C1RL: variants seen among roughly 807,000 people sequenced by gnomAD.
C1RL encodes complement C1r subcomponent-like protein.
A neutral mutation model predicts 27.9 loss-of-function variants in C1RL; 27 were observed. That is an observed-to-expected ratio of 0.97 (90% CI 0.71 to 1.33). The LOEUF (loss-of-function observed/expected upper bound fraction) is 1.33, where lower values mean the gene tolerates loss of function less well. Among genes scored for constraint, C1RL ranks in the 40% most tolerant of loss-of-function variants. The probability of loss-of-function intolerance (pLI) is 0.00; values close to 1 mark genes in which losing one functional copy is unlikely to be tolerated. For missense variants in C1RL, 563 were observed against 623.9 expected, an observed-to-expected ratio of 0.90 and a Z score of 1.04; for synonymous variants, 248 against 252.1, an observed-to-expected ratio of 0.98 and a Z score of 0.15.
rs1437458563 is a variant in C1RL, at chr12:7,095,893, T to C, written c.*498A>G. On this transcript the variant is annotated 3_prime_UTR_variant, in exon 6 of 6. Transcript: ENST00000266542. Reference sequence around the variant, plus strand: ...GGACATAAAATAAAAAAGGAGCTGTTTCTATAATTGCATCTTGGAGCTGCA... The same window carrying C: ...GGACATAAAATAAAAAAGGAGCTGTCTCTATAATTGCATCTTGGAGCTGCA... 2 of 983,134 alleles carry C rather than the reference T, an allele frequency of 2.0e-6. No homozygotes were observed. The highest frequency in any genetic ancestry group is 1.7e-5 in the African/African-American group (1 of 57,182). 60.9% of individuals were successfully genotyped at this position (983,134 alleles called of 1,614,324 possible).
Position 7,102,034 on chromosome 12 carries a change from A to C in C1RL, c.354T>G (p.Pro118=). ...CCCTCTGACCAGGGGGCCTGCCCAG[A>C]GGGGAGCCTTGCTGACCACAGAACT... ...PSQFCGQQGS[P]LGRPPGQREF... is the part of the protein sequence containing the mutation. The change falls in exon 3 of 6, where the codon CCT becomes CCG. Residue 118 remains proline (P), a synonymous_variant. Coordinates refer to ENST00000266542, the MANE Select transcript of C1RL (RefSeq NM_016546.4). 9 of 1,613,994 alleles carry C rather than the reference A, an allele frequency of 5.6e-6. No homozygotes were observed. The highest frequency in any genetic ancestry group is 7.6e-6 in the Non-Finnish European group (9 of 1,179,840).
chr12:7,104,319 C>T lies in C1RL; in HGVS notation c.301-2232G>A, dbSNP rs1182282442. On this transcript the variant is annotated intron_variant, in intron 2 of 5. Coordinates refer to ENST00000266542, the MANE Select transcript of C1RL (RefSeq NM_016546.4). This position sits in a 1 kb window ranked among gnomAD's most constrained non-coding sequence, Gnocchi z 5.4. ...GGCCCACCCTGGCAGAAGGCATGAG[C>T]TTAACAAGAAACCCTGGACTTGAGG... Among the ~76,000 whole-genome samples, 3 of 152,234 alleles carry T rather than the reference C, an allele frequency of 2.0e-5. No individual in the cohort carries two copies. The highest frequency in any genetic ancestry group is 7.2e-5 in the African/African-American group (3 of 41,466).
Position 7,099,730 on chromosome 12 carries a change from C to G in C1RL, c.647G>C (p.Trp216Ser). ...GALTCATPGT[W>S]KDRQDGEEVL... ...CTCCTCCCCATCCTGTCTGTCTTTC[C>G]AGGTCCCTGGGGTTGCACAGGTGAG... The change falls in exon 5 of 6, where the codon TGG becomes TCG. Residue 216 changes from tryptophan (W) to serine (S), a missense_variant. By Grantham distance (177) the Trp-to-Ser change is radical. Transcript: ENST00000266542. The G allele has an allele frequency of 6.4e-7, 1 of 1,568,334 alleles. No homozygotes were observed. The highest frequency in any genetic ancestry group is 8.6e-7 in the Non-Finnish European group (1 of 1,156,088).
intron 3 of C1RL, among the ~76,000 whole-genome samples, chr12:7,100,524 T>TG: frequency 6.6e-6 from 1 of 152,330 alleles, no homozygotes; most frequent in East Asian, 1.9e-4. Flanking sequence ...CCAGGTGCGG[T>TG]GGCTCACGGC....
Position 7,097,036 on chromosome 12 carries a change from C to T in C1RL, c.819G>A (p.Leu273=). 4 of 1,614,152 alleles carry T rather than the reference C, an allele frequency of 2.5e-6. No homozygotes were observed. The South Asian group carries it at 4.4e-5, about 18-fold the overall frequency. ...CAGCAGTGAGGATCCATCTGTCCCCCAGCAGGGCCCCGCCCCCACGGCCGT... is the reference window on the plus strand; with the variant it reads ...CAGCAGTGAGGATCCATCTGTCCCCTAGCAGGGCCCCGCCCCCACGGCCGT... ...SIHGRGGGAL[L]GDRWILTAAH... The change falls in exon 6 of 6, where the codon CTG becomes CTA. Residue 273 remains leucine, a synonymous_variant. Coordinates refer to ENST00000266542, the MANE Select transcript of C1RL (RefSeq NM_016546.4).
intron 2 of C1RL, among the ~76,000 whole-genome samples, chr12:7,103,111 A>C (rs1218121392): frequency 1.3e-5 from 2 of 152,230 alleles, no homozygotes; most frequent in Non-Finnish European, 2.9e-5. Context: ...GGTTCAGACA[A>C]ATCCCAATAC....
At position 7,109,163 on chromosome 12, in the gene C1RL, C is replaced by T. The variant is rs1435949611; in HGVS notation, c.18G>A (p.Val6=). The change falls in exon 1 of 6, where the codon GTG becomes GTA. Residue 6 remains valine, a synonymous_variant. Coordinates refer to ENST00000266542, the MANE Select transcript of C1RL (RefSeq NM_016546.4). ...GGCTTCTCCAGAGATATTTCCCCCACACTCTGGGTCCAGGCATCTGGAACT... is the reference window on the plus strand; with the variant it reads ...GGCTTCTCCAGAGATATTTCCCCCATACTCTGGGTCCAGGCATCTGGAACT... MPGPR[V]WGKYLWRSPH... is the part of the protein sequence containing the mutation. 2 of 1,601,636 alleles carry T rather than the reference C, an allele frequency of 1.2e-6. No homozygotes were observed. The highest frequency in any genetic ancestry group is 1.7e-4 in the Middle Eastern group (1 of 6,044).
chr12:7,094,922 A>G lies in C1RL; in HGVS notation c.*1469T>C. The G allele has an allele frequency of 9.2e-7, 1 of 1,082,316 alleles. No individual in the cohort carries two copies. Among genetic ancestry groups the G allele is most frequent in the South Asian group, 2.2e-5 (1 of 45,226 alleles). 67.0% of individuals were successfully genotyped at this position (1,082,316 alleles called of 1,614,324 possible). A position where few individuals can be genotyped will look rare whatever the true frequency, so the allele number is the denominator to read the frequency against. On this transcript the variant is annotated 3_prime_UTR_variant, in exon 6 of 6. Transcript: ENST00000266542. ...AATCTTTTGTACTGTATGTGGGTGT[A>G]AAAAACAGAAGTAATCACATGTATG...
Position 7,108,289 on chromosome 12 carries a change from G to C in C1RL, c.262C>G (p.Leu88Val). Residue 88 changes from leucine (L) to valine (V), a missense_variant, in exon 2 of 6, where the codon CTG (leucine) becomes GTG (valine). By Grantham distance (32) the Leu-to-Val change is conservative. Coordinates refer to ENST00000266542, the MANE Select transcript of C1RL (RefSeq NM_016546.4). ...AVRLVFQDFD[L>V]EPSQDCAGDS... ...CCTGCACAGTCCTGGGACGGCTCCA[G>C]GTCGAAGTCCTGGAAGACGAGCCTC... 2 of 1,614,132 alleles carry C rather than the reference G, an allele frequency of 1.2e-6. No homozygotes were observed. The highest frequency in any genetic ancestry group is 1.1e-5 in the South Asian group (1 of 91,048).
chr12:7,108,919 C>T, intron 1 of C1RL, 191 bp downstream of exon 1: 1 of 594,456 alleles, frequency 1.7e-6, no homozygotes, highest in Admixed American at 2.6e-5. Flanking sequence ...CATGGAATAT[C>T]TGCTGTGCTG....
Position 7,108,476 on chromosome 12 carries a change from C to T in C1RL, c.75G>A (p.Trp25Ter), listed in dbSNP as rs750984839. The change falls in exon 2 of 6, where the codon TGG becomes TGA. Residue 25 changes from tryptophan (W) to a stop codon, truncating the protein, a stop_gained. Transcript: ENST00000266542. LOFTEE classifies it high-confidence loss of function. ...PHSKGCPGAM[W>*]WLLLWGVLQA... ...GGAGGACTCCCCAGAGAAGCAGCCA[C>T]CACCTGTGAGTTGGGGGGAGGGCAA... is the stretch of plus-strand genomic sequence containing the variant. The T allele has an allele frequency of 1.3e-6, 2 of 1,588,018 alleles. No individual in the cohort carries two copies. Among genetic ancestry groups the T allele is most frequent in the South Asian group, 1.1e-5 (1 of 88,062 alleles).
Position 7,094,723 on chromosome 12 carries a change from C to A in C1RL, c.*1668G>T. 2.0e-6 allele frequency: 2 copies of A among 981,152 alleles called. No individual in the cohort carries two copies. Among genetic ancestry groups the A allele is most frequent in the Non-Finnish European group, 2.4e-6 (2 of 826,126 alleles). The allele number at this position is 981,152 out of a possible 1,614,324, so 60.8% of individuals were successfully genotyped here. ...GCCAAAATCTTATCAATAAAACCAC[C>A]TCTGTTTAGTATTTTGAGAGAATTA... On this transcript the variant is annotated 3_prime_UTR_variant, in exon 6 of 6. Coordinates refer to ENST00000266542, the MANE Select transcript of C1RL (RefSeq NM_016546.4).
chr12:7,108,966 GGTGT>G (rs764538217), intron 1 of C1RL, 140 bp downstream of exon 1: 116 of 367,698 alleles, frequency 3.2e-4, no homozygotes, highest in African/African-American at 6.8e-4. Flanking sequence ...ATGTGGGGGA[GGTGT>G]GTGTGTGTGT....
At position 7,096,772 on chromosome 12, in the gene C1RL, G is replaced by A. The variant is rs201239060; in HGVS notation, c.1083C>T (p.Pro361=). ...CGCTGCGGTAGAGGGTCTCATTATC[G>A]GGCAGACAGACCGGGAGGACGTTGG... is the stretch of plus-strand genomic sequence containing the variant. ...LGPNVLPVCL[P]DNETLYRSGL... The change falls in exon 6 of 6, where the codon CCC becomes CCT. Residue 361 remains proline (P), a synonymous_variant. Transcript: ENST00000266542. The A allele has an allele frequency of 5.6e-6, 9 of 1,607,408 alleles. No individual in the cohort carries two copies. Among genetic ancestry groups the A allele is most frequent in the South Asian group, 1.1e-5 (1 of 90,034 alleles).
chr12:7,105,358 C>T (rs1203656433), intron 2 of C1RL, among the ~76,000 whole-genome samples: 5 of 152,110 alleles, frequency 3.3e-5, no homozygotes, highest in African/African-American at 1.2e-4. Context: ...CAACCTCCAC[C>T]TCCCAGGTTC....
chr12:7,108,540 TG>T (rs1353743831), intron 1 of C1RL, 61 bp from the exon 2 acceptor site: 4 of 1,398,850 alleles, frequency 2.9e-6, no homozygotes, highest in Non-Finnish European at 3.9e-6. Flanking sequence ...CCTGTGGGTG[TG>T]GGAGGAGCGG....
chr12:7,102,158 C>T, intron 2 of C1RL, 71 bp from the exon 3 acceptor site: 1 of 1,481,880 alleles, frequency 6.7e-7, no homozygotes, highest in Non-Finnish European at 9.3e-7. Context: ...ATCACAGGGG[C>T]ACATCCTCGG....
intron 2 of C1RL, among the ~76,000 whole-genome samples, chr12:7,106,949 T>C (rs1165140397): frequency 6.6e-6 from 1 of 152,192 alleles, no homozygotes; most frequent in Non-Finnish European, 1.5e-5. Flanking sequence ...TGGTGAAGAC[T>C]GAAGACAGAT....
Position 7,102,019 on chromosome 12 carries a change from A to AGGGGGCCTGCCCAGAG in C1RL, c.353_368dup (p.Gly124SerfsTer50), listed in dbSNP as rs760243182. On this transcript the variant is annotated frameshift_variant, in exon 3 of 6. Transcript: ENST00000266542. LOFTEE classifies it high-confidence loss of function. ...CTGAGGATACAAACTCCCTCTGACC[A>AGGGGGCCTGCCCAGAG]GGGGGCCTGCCCAGAGGGGAGCCTT... is the stretch of plus-strand genomic sequence containing the variant. 9.3e-6 allele frequency: 15 copies of AGGGGGCCTGCCCAGAG among 1,614,096 alleles called. No homozygotes were observed. Among genetic ancestry groups the AGGGGGCCTGCCCAGAG allele is most frequent in the Middle Eastern group, 1.6e-4 (1 of 6,084 alleles).
Sources: allele counts gnomAD v4.1 joint callset (sites outside exome capture counted in the v4.1 genomes callset), GRCh38; gene constraint gnomAD v4.1.1; non-coding constraint Gnocchi (gnomAD v3.1); transcripts MANE v1.5; gene names NCBI Gene and HGNC (gene_info 2026-07-23, HGNC 2026-07-21).